Variants in PLD5 observed in about 807,000 individuals in gnomAD.
PLD5 encodes phospholipase D family member 5.
PLD5 carries 36 observed loss-of-function variants against 61.1 expected under a neutral mutation model. The observed-to-expected ratio is 0.59, with a 90% CI of 0.45 to 0.78. The LOEUF is 0.78. Ranked by LOEUF, PLD5 falls within the 30% of genes least tolerant of loss-of-function variation. PLD5 has a pLI of 0.00. For missense variants in PLD5, 515 were observed against 644.4 expected, an observed-to-expected ratio of 0.80 and a Z score of 2.17; for synonymous variants, 243 against 242.8, an observed-to-expected ratio of 1.00 and a Z score of -0.01.
At chr1:242,349,042 A>C (rs1025092490) in intron 1 of PLD5, among the ~76,000 whole-genome samples, 1 of 152,204 alleles carries the variant, frequency 6.6e-6, no homozygotes, top group Non-Finnish European at 1.5e-5. Flanking sequence ...TGACAGAGCG[A>C]GACTCCATCT....
At chr1:242,147,879 G>C (rs774758807) in intron 5 of PLD5, among the ~76,000 whole-genome samples, 3 of 152,062 alleles carry the variant, frequency 2.0e-5, no homozygotes, top group Admixed American at 6.6e-5. Flanking sequence ...TAAATTTTGA[G>C]AGTTTCATTG....
intron 1 of PLD5, among the ~76,000 whole-genome samples, chr1:242,496,148 C>T (rs564707514): frequency 1.1e-4 from 17 of 151,264 alleles, no homozygotes; most frequent in Non-Finnish European, 2.4e-4. Flanking sequence ...CACTGGATTA[C>T]GTTCCAACCA....
At chr1:242,297,374 T>C (rs1675733337) in intron 2 of PLD5, among the ~76,000 whole-genome samples, 2 of 137,650 alleles carry the variant, frequency 1.5e-5, no homozygotes, top group Admixed American at 7.3e-5. Context: ...AAAGGAAAGC[T>C]TCCCCCCTTT....
chr1:242,274,752 T>C (rs1674318443), intron 3 of PLD5, among the ~76,000 whole-genome samples: 1 of 150,034 alleles, frequency 6.7e-6, no homozygotes. Flanking sequence ...AGACTCAGTC[T>C]CCAAAAAAAA....
Position 242,274,589 on chromosome 1 carries a change from C to T in PLD5, c.496-9141G>A, listed in dbSNP as rs1414122460. ...CTAACACGGTGAAACCCCATCTCTA[C>T]TAAAAATACAAAAAATTAGCCAGGT... On this transcript the variant is annotated intron_variant, in intron 3 of 9. Transcript: ENST00000536534. Among the ~76,000 whole-genome samples, 3 of 152,128 alleles carry T rather than the reference C, an allele frequency of 2.0e-5. No homozygotes were observed. The East Asian group carries it at 5.8e-4, about 29-fold the overall frequency.
chr1:242,389,779 A>C (rs1477609424), intron 1 of PLD5, among the ~76,000 whole-genome samples: 1 of 152,058 alleles, frequency 6.6e-6, no homozygotes, highest in Non-Finnish European at 1.5e-5. Flanking sequence ...TGGGCCCCTA[A>C]TATATTTAAG....
intron 2 of PLD5, among the ~76,000 whole-genome samples, chr1:242,309,966 ATCAGGATAACAGC>A (rs1676601842): frequency 6.6e-6 from 1 of 151,400 alleles, no homozygotes; most frequent in South Asian, 2.1e-4. Flanking sequence ...TAAAGTTTAA[ATCAGGATAACAGC>A]TCACTCAACA....
rs558093728 is a variant in PLD5, at chr1:242,508,368, C to T, written c.189+15720G>A. Among the ~76,000 whole-genome samples the T allele has an allele frequency of 7.3e-5, 11 of 150,792 alleles. No individual in the cohort carries two copies. In the East Asian group the frequency reaches 1.9e-3, roughly 27 times the overall value. On this transcript the variant is annotated intron_variant, in intron 1 of 9. Transcript: ENST00000536534. ...AGCCTGGGCAACAGGGGTGAAACTC[C>T]GTCTCAAAAAAAAAAAAATTTTGTT...
intron 9 of PLD5, among the ~76,000 whole-genome samples, chr1:242,093,848 A>G (rs1316080768): frequency 1.3e-5 from 2 of 152,126 alleles, no homozygotes. Context: ...GAGAGGTGAC[A>G]AGATTTTGAA....
At chr1:242,111,336 C>T (rs960143770) in intron 7 of PLD5, among the ~76,000 whole-genome samples, 2 of 152,128 alleles carry the variant, frequency 1.3e-5, no homozygotes, top group Admixed American at 6.5e-5. Flanking sequence ...GGATTACAGA[C>T]GTGAGCCACC....
intron 1 of PLD5, among the ~76,000 whole-genome samples, chr1:242,419,027 C>G (rs987290118): frequency 2.5e-4 from 38 of 152,170 alleles, no homozygotes; most frequent in African/African-American, 6.8e-4. Context: ...CACACAGAGA[C>G]ATTGGGTCAA....
intron 9 of PLD5, among the ~76,000 whole-genome samples, chr1:242,098,270 T>G (rs113978558): frequency 0.041 from 6,196 of 152,310 alleles, 205 homozygotes; most frequent in Middle Eastern, 0.15. Flanking sequence ...TTTTTATTCT[T>G]TTTTCTCTAA....
At chr1:242,451,836 G>T (rs1666791443) in intron 1 of PLD5, among the ~76,000 whole-genome samples, 1 of 152,068 alleles carries the variant, frequency 6.6e-6, no homozygotes. Flanking sequence ...GGTCCTTCAT[G>T]AAAGACCTCC....
At chr1:242,496,890 A>G (rs1668389001) in intron 1 of PLD5, among the ~76,000 whole-genome samples, 1 of 152,246 alleles carries the variant, frequency 6.6e-6, no homozygotes, top group Non-Finnish European at 1.5e-5. Context: ...CAGGATGGAC[A>G]GGAATGTGAT....
intron 4 of PLD5, among the ~76,000 whole-genome samples, chr1:242,243,041 C>A (rs1478511541): frequency 6.6e-6 from 1 of 152,162 alleles, no homozygotes; most frequent in African/African-American, 2.4e-5. Flanking sequence ...GCTTCTCAGG[C>A]AATTTCATCT....
intron 1 of PLD5, among the ~76,000 whole-genome samples, chr1:242,409,177 C>A (rs376969621): frequency 1.3e-5 from 2 of 152,270 alleles, no homozygotes; most frequent in East Asian, 3.9e-4. Context: ...TTTGTCATGA[C>A]TAGCTTATTG....
intron 1 of PLD5, among the ~76,000 whole-genome samples, chr1:242,479,904 C>G (rs932514793): frequency 1.1e-4 from 17 of 149,398 alleles, no homozygotes; most frequent in Non-Finnish European, 8.9e-5. Context: ...AAAAAAAATT[C>G]ACCAGGCATG....
At chr1:242,157,496 C>T (rs145447802) in intron 5 of PLD5, among the ~76,000 whole-genome samples, 4 of 152,276 alleles carry the variant, frequency 2.6e-5, no homozygotes, top group African/African-American at 9.6e-5. Context: ...GTGGATTTAT[C>T]TAACTTTGGT....
intron 5 of PLD5, among the ~76,000 whole-genome samples, chr1:242,150,853 C>T (rs1391877156): frequency 1.3e-5 from 2 of 151,612 alleles, no homozygotes; most frequent in African/African-American, 2.4e-5. Flanking sequence ...TTCCATTTTT[C>T]CTCATCTATT....
Sources: allele counts gnomAD v4.1 joint callset (sites outside exome capture counted in the v4.1 genomes callset), GRCh38; gene constraint gnomAD v4.1.1; transcripts MANE v1.5; gene names NCBI Gene and HGNC (gene_info 2026-07-23, HGNC 2026-07-21).